The following RANBP2 variants were observed in gnomAD, a reference collection of about 807,000 sequenced individuals.
The protein encoded by RANBP2 is RAN binding protein 2, also known as E3 SUMO-protein ligase RanBP2.
In RANBP2, 57 loss-of-function variants were observed where a neutral mutation model predicts 303.6. That is an observed-to-expected ratio of 0.19 (90% CI 0.15 to 0.23). The LOEUF (loss-of-function observed/expected upper bound fraction) is 0.23. RANBP2 is among the 10% of genes least tolerant of loss of function. RANBP2 has a pLI of 1.00. For missense variants in RANBP2, 3,138 were observed against 3,780.8 expected, an observed-to-expected ratio of 0.83 and a Z score of 4.46; for synonymous variants, 1,167 against 1,301.5, an observed-to-expected ratio of 0.90 and a Z score of 2.23.
chr2:109,088,610 C>T, the RANBP2 span, among the ~76,000 whole-genome samples: 81 of 152,064 alleles, frequency 5.3e-4, 1 homozygote, highest in Non-Finnish European at 1.1e-3. Context: ...GGGTTCAAGG[C>T]GTGAGGTTCT....
chr2:109,557,433 GCA>G, the RANBP2 span, among the ~76,000 whole-genome samples: 1 of 152,248 alleles, frequency 6.6e-6, no homozygotes, highest in Non-Finnish European at 1.5e-5. Flanking sequence ...GAAAACTAAA[GCA>G]CAGAGAGTAA....
At chr2:109,179,915 C>T in the RANBP2 span, among the ~76,000 whole-genome samples, 14 of 152,080 alleles carry the variant, frequency 9.2e-5, no homozygotes, top group African/African-American at 2.2e-4. Flanking sequence ...AAGTCACTGA[C>T]GAAAGAACTA....
the RANBP2 span, among the ~76,000 whole-genome samples, chr2:109,581,348 A>G: frequency 2.0e-5 from 3 of 152,040 alleles, no homozygotes; most frequent in African/African-American, 7.2e-5. Flanking sequence ...GAGGCTTGAG[A>G]ATCACCTGAA....
the RANBP2 span, among the ~76,000 whole-genome samples, chr2:109,704,648 G>C: frequency 1.3e-5 from 2 of 151,946 alleles, no homozygotes; most frequent in Admixed American, 6.6e-5. Flanking sequence ...TCAGGAGTTC[G>C]AGAACAGCCT....
chr2:108,763,408 A>G lies in RANBP2; in HGVS notation c.2869A>G (p.Arg957Gly). The G allele has an allele frequency of 6.2e-7, 1 of 1,614,040 alleles. No homozygotes were observed. ...TCCTGCAACGGGAATTCTATCGCCC[A>G]GGGGTGATGATTACTTTAATTACAA... is the stretch of plus-strand genomic sequence containing the variant. ...ESPATGILSPRGDDYFNYNVQ... is the reference protein window; with the variant it reads ...ESPATGILSPGGDDYFNYNVQ... The change falls in exon 20 of 29, where the codon AGG becomes GGG. Residue 957 changes from arginine (R) to glycine (G), a missense_variant. By Grantham distance (125) the Arg-to-Gly change is moderately radical (BLOSUM62 -2). Coordinates refer to ENST00000283195, the MANE Select transcript of RANBP2 (RefSeq NM_006267.5).
At chr2:109,045,707 G>A in the RANBP2 span, among the ~76,000 whole-genome samples, 1 of 152,148 alleles carries the variant, frequency 6.6e-6, no homozygotes, top group African/African-American at 2.4e-5. Context: ...TGGGGTTCCT[G>A]TGTGTGTTTA....
the RANBP2 span, among the ~76,000 whole-genome samples, chr2:108,938,211 C>T: frequency 2.0e-5 from 3 of 152,138 alleles, no homozygotes; most frequent in Non-Finnish European, 4.4e-5. Context: ...CAACTTTTTC[C>T]GCTAGTCTTT....
the RANBP2 span, among the ~76,000 whole-genome samples, chr2:109,464,668 A>T: frequency 1.3e-5 from 2 of 152,128 alleles, no homozygotes; most frequent in Non-Finnish European, 2.9e-5. Context: ...TATTTTTTAG[A>T]ACAAATTTAG....
the RANBP2 span, among the ~76,000 whole-genome samples, chr2:109,162,418 AT>A: frequency 1.5e-4 from 23 of 151,978 alleles, no homozygotes; most frequent in East Asian, 5.8e-4. Flanking sequence ...TTTATTTTTA[AT>A]TTTTTTTATT....
chr2:109,356,731 C>G, the RANBP2 span, among the ~76,000 whole-genome samples: 8 of 152,164 alleles, frequency 5.3e-5, no homozygotes, highest in Non-Finnish European at 8.8e-5. Flanking sequence ...TTTGGACAGC[C>G]CTGCCTCACA....
the RANBP2 span, among the ~76,000 whole-genome samples, chr2:109,500,690 C>T: frequency 1.3e-5 from 2 of 152,092 alleles, no homozygotes; most frequent in African/African-American, 2.4e-5. Flanking sequence ...GGCTCATGCT[C>T]GTAATCCCAG....
the RANBP2 span, among the ~76,000 whole-genome samples, chr2:108,852,371 G>A: frequency 2.1e-4 from 32 of 152,096 alleles, no homozygotes; most frequent in African/African-American, 7.7e-4. Flanking sequence ...AAAGACAAAT[G>A]CCATTCAACC....
chr2:108,919,744 G>C, the RANBP2 span, among the ~76,000 whole-genome samples: 1 of 152,344 alleles, frequency 6.6e-6, no homozygotes, highest in South Asian at 2.1e-4. Flanking sequence ...AGCCGGGCCA[G>C]AGCCGGCAGT....
the RANBP2 span, among the ~76,000 whole-genome samples, chr2:109,078,247 GTA>G: frequency 6.6e-4 from 37 of 56,406 alleles, 2 homozygotes; most frequent in South Asian, 1.5e-3. Flanking sequence ...TATATAGCGT[GTA>G]TATATATATA....
At chr2:108,906,354 C>T in the RANBP2 span, 11 of 1,614,052 alleles carry the variant, frequency 6.8e-6, no homozygotes, top group South Asian at 1.2e-4. Context: ...GGATCTTTTT[C>T]CTCCGGCTTT....
the RANBP2 span, among the ~76,000 whole-genome samples, chr2:109,661,991 C>T: frequency 2.0e-5 from 3 of 152,182 alleles, no homozygotes; most frequent in Admixed American, 1.3e-4. Context: ...CTGCAGGGAT[C>T]ATAATTGGTT....
At chr2:109,698,748 G>GT in the RANBP2 span, among the ~76,000 whole-genome samples, 1 of 151,388 alleles carries the variant, frequency 6.6e-6, no homozygotes, top group Non-Finnish European at 1.5e-5. Flanking sequence ...ACATGCTGGA[G>GT]TTTTTTTGCA....
the RANBP2 span, among the ~76,000 whole-genome samples, chr2:108,982,162 A>C: frequency 1.3e-5 from 2 of 152,246 alleles, no homozygotes; most frequent in Non-Finnish European, 2.9e-5. Flanking sequence ...AGATCTCCCA[A>C]AGCCTTGAGA....
chr2:109,276,716 A>G, the RANBP2 span, among the ~76,000 whole-genome samples: 1 of 152,126 alleles, frequency 6.6e-6, no homozygotes. Context: ...TTTAAATCAC[A>G]TTATTCCAGC....
Sources: gnomAD v4.1 joint callset for allele counts (sites outside exome capture counted in the v4.1 genomes callset) on GRCh38, gnomAD v4.1.1 for gene constraint, MANE v1.5 for transcripts, NCBI Gene and HGNC (gene_info 2026-07-23, HGNC 2026-07-21) for gene names.